ACSM1: variants seen among roughly 807,000 people sequenced by gnomAD.
ACSM1 encodes the protein acyl-CoA synthetase medium chain family member 1, also known as acyl-coenzyme A synthetase ACSM1, mitochondrial.
A neutral mutation model predicts 75.8 loss-of-function variants in ACSM1; 79 were observed. The ratio of observed to expected loss-of-function variants is 1.04; its 90% CI spans 0.87 to 1.26. ACSM1 has a LOEUF of 1.26. ACSM1 is among the 50% of genes most tolerant of loss of function. ACSM1 has a pLI of 0.00. For missense variants in ACSM1, 676 were observed against 720.1 expected, an observed-to-expected ratio of 0.94 and a Z score of 0.70; for synonymous variants, 279 against 265.8, an observed-to-expected ratio of 1.05 and a Z score of -0.48.
chr16:20,635,789 G>A (rs1250537724), intron 10 of ACSM1, among the ~76,000 whole-genome samples: 1 of 151,980 alleles, frequency 6.6e-6, no homozygotes, highest in Non-Finnish European at 1.5e-5. Context: ...ACAGGTGCAT[G>A]CCACCATGCC....
At position 20,691,080 on chromosome 16, in the gene ACSM1, C is replaced by A; in HGVS notation, c.109G>T (p.Ala37Ser). Residue 37 changes from alanine (A) to serine (S), a missense_variant, in exon 2 of 14, where the codon GCC becomes TCC. Ala to Ser is a moderately conservative substitution (Grantham distance 99). Transcript: ENST00000520010. ...LRCRSLSEFG[A>S]PRWNDYEVPE... Reference sequence around the variant, plus strand: ...ACTTCATAGTCATTCCATCTTGGGGCTCCAAATTCTGATAAAGACCGGCAG... The same window carrying A: ...ACTTCATAGTCATTCCATCTTGGGGATCCAAATTCTGATAAAGACCGGCAG... 1 of 1,613,498 alleles carries A rather than the reference C, an allele frequency of 6.2e-7. No homozygotes were observed.
At chr16:20,639,786 T>G (rs1272672891) in intron 8 of ACSM1, among the ~76,000 whole-genome samples, 1 of 152,092 alleles carries the variant, frequency 6.6e-6, no homozygotes, top group Non-Finnish European at 1.5e-5. Flanking sequence ...GCTGAGCACA[T>G]CATGACTATC....
chr16:20,627,315 C>T lies in ACSM1; in HGVS notation c.1301G>A (p.Gly434Asp), dbSNP rs201191585. ...RPVSLFMCYE[G>D]DPEKTAKVEC... ...CACTTTAGCTGTCTTCTCTGGGTCA[C>T]CCTGCAAAAAGAAGAGAGCTCCTTT... The change falls in exon 11 of 14, where the codon GGT becomes GAT. Residue 434 changes from glycine (G) to aspartate (D), a missense_variant and splice_region_variant. Coordinates refer to ENST00000520010, the MANE Select transcript of ACSM1 (RefSeq NM_001318890.3). The T allele has an allele frequency of 1.9e-6, 3 of 1,565,852 alleles. No individual in the cohort carries two copies. Among genetic ancestry groups the T allele is most frequent in the East Asian group, 5.0e-5 (2 of 39,994 alleles).
At chr16:20,649,142 C>G (rs2018511353) in intron 7 of ACSM1, among the ~76,000 whole-genome samples, 1 of 151,888 alleles carries the variant, frequency 6.6e-6, no homozygotes, top group Admixed American at 6.6e-5. Flanking sequence ...GCCTATGGCC[C>G]TCACAGAATG....
intron 5 of ACSM1, among the ~76,000 whole-genome samples, chr16:20,670,878 C>T (rs2019856880): frequency 1.3e-5 from 2 of 152,152 alleles, no homozygotes; most frequent in African/African-American, 4.8e-5. Context: ...ATCTGTGCTC[C>T]ATATTCTGTT....
chr16:20,645,814 A>G (rs1418751143), intron 7 of ACSM1, among the ~76,000 whole-genome samples: 1 of 152,218 alleles, frequency 6.6e-6, no homozygotes, highest in Non-Finnish European at 1.5e-5. Flanking sequence ...AAGGAAAACT[A>G]GGAAGAAGGC....
chr16:20,669,994 C>G lies in ACSM1; in HGVS notation c.753-8G>C, dbSNP rs1351639339. 2 of 1,613,370 alleles carry G rather than the reference C, an allele frequency of 1.2e-6. No individual in the cohort carries two copies. The highest frequency in any genetic ancestry group is 1.1e-5 in the South Asian group (1 of 90,998). On this transcript the variant is annotated splice_region_variant and splice_polypyrimidine_tract_variant and intron_variant, in intron 5 of 13. Transcript: ENST00000520010. The stretch of plus-strand genomic sequence containing the variant: ...AGGCTCCGTAATTTCCTACTAACTC[C>G]AAAATGCAGTGGCCTCAGCTGTGTG...
intron 10 of ACSM1, among the ~76,000 whole-genome samples, chr16:20,631,920 C>T (rs2017370621): frequency 6.6e-6 from 1 of 152,122 alleles, no homozygotes; most frequent in Non-Finnish European, 1.5e-5. Context: ...GATGGATGCA[C>T]TAAAATTTCA....
chr16:20,665,876 A>C (rs1040616894), intron 6 of ACSM1, among the ~76,000 whole-genome samples: 1 of 152,156 alleles, frequency 6.6e-6, no homozygotes, highest in Non-Finnish European at 1.5e-5. Context: ...CAGAATAAAA[A>C]AGAAAAGCCA....
chr16:20,694,788 TA>T (rs2152344344), intron 1 of ACSM1, among the ~76,000 whole-genome samples: 1 of 152,300 alleles, frequency 6.6e-6, no homozygotes, highest in East Asian at 1.9e-4. Context: ...ATTGGGTCTT[TA>T]AAAATGTAAT....
At chr16:20,640,337 C>T (rs1487555664) in intron 8 of ACSM1, 124 bp downstream of exon 8, 1 of 1,172,506 alleles carries the variant, frequency 8.5e-7, no homozygotes, top group Non-Finnish European at 1.2e-6. Flanking sequence ...TATTGAAGCC[C>T]TCAAAATCAT....
chr16:20,690,680 C>T (rs551749548), intron 2 of ACSM1, among the ~76,000 whole-genome samples: 4 of 152,268 alleles, frequency 2.6e-5, no homozygotes, highest in South Asian at 2.1e-4. Context: ...CAGACTAATA[C>T]GAATTTGCTG....
chr16:20,624,008 G>A lies in ACSM1; in HGVS notation c.1647+88C>T. On this transcript the variant is annotated intron_variant, in intron 13 of 13. Transcript: ENST00000520010. ...AGTGTTGTAAACCTCCATTGTTTGG[G>A]GCTGTTTGTTACCTCCAGTGATACC... is the stretch of plus-strand genomic sequence containing the variant. 3 of 1,558,818 alleles carry A rather than the reference G, an allele frequency of 1.9e-6. No individual in the cohort carries two copies. In the South Asian group the frequency reaches 3.4e-5, roughly 18 times the overall value.
rs187215968 is a variant in ACSM1, at chr16:20,640,139, C to T, written c.1116+322G>A. On this transcript the variant is annotated intron_variant, in intron 8 of 13. Coordinates refer to ENST00000520010, the MANE Select transcript of ACSM1 (RefSeq NM_001318890.3). ...GTACCTAGTTGCTTTCTCTGACTTA[C>T]GTTTATCTTATGTAAAAATGCAGAT... 7.9e-5 allele frequency among the ~76,000 whole-genome samples: 12 copies of T among 152,284 alleles called. No individual in the cohort carries two copies. In the East Asian group the frequency reaches 1.3e-3, roughly 17 times the overall value.
chr16:20,689,861 T>C (rs2079621027), intron 2 of ACSM1, among the ~76,000 whole-genome samples: 1 of 152,312 alleles, frequency 6.6e-6, no homozygotes, highest in East Asian at 1.9e-4. Flanking sequence ...GGTTAAATAA[T>C]GGATTGTGAA....
chr16:20,634,993 G>A (rs2017576180), intron 10 of ACSM1, among the ~76,000 whole-genome samples: 1 of 151,972 alleles, frequency 6.6e-6, no homozygotes, highest in African/African-American at 2.4e-5. Flanking sequence ...AATAAGGAGG[G>A]AAAAAAACCC....
chr16:20,641,789 G>A (rs2018078298), intron 7 of ACSM1, among the ~76,000 whole-genome samples: 2 of 152,154 alleles, frequency 1.3e-5, no homozygotes, highest in African/African-American at 4.8e-5. Flanking sequence ...TGCCCAATGT[G>A]GGGTGATGAA....
rs758405475 is a variant in ACSM1, at chr16:20,669,819, C to T, written c.912+8G>A. The T allele has an allele frequency of 1.2e-5, 19 of 1,613,236 alleles. No individual in the cohort carries two copies. In the South Asian group the frequency reaches 1.9e-4, roughly 16 times the overall value. ...ATTTTGCTGATAGGGGAAGGTGAGT[C>T]TTCTTACCTGTATGATGACCTTGGT... On this transcript the variant is annotated splice_region_variant and intron_variant, in intron 6 of 13. Coordinates refer to ENST00000520010, the MANE Select transcript of ACSM1 (RefSeq NM_001318890.3).
rs1359408694 is a variant in ACSM1, at chr16:20,671,517, G to GC, written c.752+13dup. The GC allele has an allele frequency of 1.3e-6, 2 of 1,597,320 alleles. No individual in the cohort carries two copies. The highest frequency in any genetic ancestry group is 3.4e-5 in the Admixed American group (2 of 58,130). Reference sequence around the variant, plus strand: ...ATCTGGGTCCAGCCTCTATGTCGGTGCCCTCTTTCCTACCTTCCTGGGAAG... The same window carrying GC: ...ATCTGGGTCCAGCCTCTATGTCGGTGCCCCTCTTTCCTACCTTCCTGGGAAG... On this transcript the variant is annotated intron_variant, in intron 5 of 13. Transcript: ENST00000520010.
Sources: gnomAD v4.1 joint callset for allele counts (sites outside exome capture counted in the v4.1 genomes callset) on GRCh38, gnomAD v4.1.1 for gene constraint, MANE v1.5 for transcripts, NCBI Gene and HGNC (gene_info 2026-07-23, HGNC 2026-07-21) for gene names.